Variants in DEFB134 observed in about 807,000 individuals in gnomAD.
DEFB134 encodes beta-defensin 134.
DEFB134 carries 7 observed loss-of-function variants against 7.4 expected under a neutral mutation model. That is an observed-to-expected ratio of 0.95 (90% CI 0.54 to 1.79). The LOEUF is 1.79. Ranked by LOEUF, DEFB134 falls within the 40% of genes most tolerant of loss-of-function variation. DEFB134 has a pLI of 0.00. For missense variants in DEFB134, 105 were observed against 74.8 expected (o/e 1.40, Z -1.49); for synonymous variants, 33 against 25.0 (o/e 1.32, Z -0.96).
chr8:11,996,107 C>T (rs1230758919), intron 1 of DEFB134, 87 bp downstream of exon 2: 1 of 1,490,432 alleles, frequency 6.7e-7, no homozygotes, highest in Non-Finnish European at 9.3e-7. Flanking sequence ...TTAAAGGGCC[C>T]ATGGGTGGTG....
Position 11,995,326 on chromosome 8 carries a change from A to G in DEFB134, c.58+868T>C, listed in dbSNP as rs139915972. 8.5e-5 allele frequency among the ~76,000 whole-genome samples: 13 copies of G among 152,328 alleles called. No homozygotes were observed. In the East Asian group the frequency reaches 2.3e-3, roughly 27 times the overall value. ...AGGCCTTGATCCCATGAATTCTTAA[A>G]TTTAGCCTGGTGAGTCACATAATCT... On this transcript the variant is annotated intron_variant, in intron 1 of 1. Transcript: ENST00000526438.
upstream of DEFB134, among the ~76,000 whole-genome samples, chr8:11,998,846 A>G (rs1800194211): frequency 2.0e-5 from 3 of 152,174 alleles, no homozygotes. Flanking sequence ...GAAACGAGAA[A>G]GAGGATATTA....
chr8:11,999,975 T>A (rs575927977), upstream of DEFB134, among the ~76,000 whole-genome samples: 3 of 152,318 alleles, frequency 2.0e-5, no homozygotes, highest in South Asian at 6.2e-4. Flanking sequence ...GGTTTGGTAT[T>A]TCTTTAGGGT....
At chr8:11,994,214 A>C in intron 1 of DEFB134, 92 bp from the exon 3 acceptor site, 7 of 1,430,104 alleles carry the variant, frequency 4.9e-6, no homozygotes, top group Non-Finnish European at 5.6e-6. Flanking sequence ...ACCGGATACC[A>C]AGGAGATTTG....
chr8:11,996,784 C>T (rs1800136063), upstream of DEFB134, among the ~76,000 whole-genome samples: 1 of 152,074 alleles, frequency 6.6e-6, no homozygotes, highest in Non-Finnish European at 1.5e-5. Context: ...AGGTATCCTG[C>T]TTTTGTAACT....
At chr8:11,998,477 G>A (rs145632934), upstream of DEFB134, among the ~76,000 whole-genome samples, 753 of 151,908 alleles carry the variant, frequency 5.0e-3, 14 homozygotes, top group South Asian at 4.2e-3. Flanking sequence ...AAATAAAAAA[G>A]AGACGTTCAT....
chr8:11,993,990 G>A, exon 2 of DEFB134: 3 of 1,613,222 alleles, frequency 1.9e-6, no homozygotes, highest in Admixed American at 1.7e-5. Context: ...TCAGGGTGCA[G>A]GATTTCCTTT....
At chr8:11,996,253 G>T in exon 1 of DEFB134, 4 of 1,613,634 alleles carry the variant, frequency 2.5e-6, no homozygotes, top group Non-Finnish European at 3.4e-6. Context: ...AGGCTTCATG[G>T]CTGGGAACTT....
At chr8:11,997,084 C>T (rs1175721960), upstream of DEFB134, among the ~76,000 whole-genome samples, 1 of 152,162 alleles carries the variant, frequency 6.6e-6, no homozygotes, top group Non-Finnish European at 1.5e-5. Flanking sequence ...GATTCTCTTT[C>T]ACCTCTCAGT....
exon 2 of DEFB134, chr8:11,993,830 A>G (rs747933979): frequency 9.7e-7 from 1 of 1,033,162 alleles, no homozygotes; most frequent in Non-Finnish European, 1.3e-6. Flanking sequence ...TAAATTTAAG[A>G]CCACAAGAGT....
chr8:11,993,532 G>A (rs1800032714), exon 2 of DEFB134: 1 of 153,902 alleles, frequency 6.5e-6, no homozygotes, highest in African/African-American at 2.4e-5. Flanking sequence ...TGCGGTTTAT[G>A]TGAGAGATGT....
chr8:11,998,195 C>A (rs186001375), upstream of DEFB134, among the ~76,000 whole-genome samples: 3 of 151,890 alleles, frequency 2.0e-5, no homozygotes, highest in Non-Finnish European at 1.5e-5. Flanking sequence ...ACACCTGTAA[C>A]GCTAGCACTT....
At chr8:11,999,368 T>C (rs60411064), upstream of DEFB134, 980 of 214,132 alleles carry the variant, frequency 4.6e-3, 10 homozygotes, top group African/African-American at 0.022. Flanking sequence ...GCATTGCCCA[T>C]GCAAAGAAAG....
At chr8:11,993,865 A>T in exon 2 of DEFB134, 1 of 1,384,408 alleles carries the variant, frequency 7.2e-7, no homozygotes, top group African/African-American at 1.5e-5. Context: ...AAATGCTAAA[A>T]ACCAGTAGTC....
upstream of DEFB134, among the ~76,000 whole-genome samples, chr8:11,999,648 C>G (rs776028354): frequency 7.2e-5 from 11 of 152,272 alleles, no homozygotes; most frequent in Non-Finnish European, 1.0e-4. Context: ...AGGACAGCCT[C>G]TGAGTTTTGC....
chr8:11,996,091 TG>T, intron 1 of DEFB134, 102 bp downstream of exon 2: 1 of 1,390,062 alleles, frequency 7.2e-7, no homozygotes, highest in Non-Finnish European at 1.0e-6. Flanking sequence ...TTTTCTAGCT[TG>T]AAAATTAAAG....
chr8:11,997,190 T>C (rs1800148454), upstream of DEFB134, among the ~76,000 whole-genome samples: 1 of 152,210 alleles, frequency 6.6e-6, no homozygotes, highest in Admixed American at 6.5e-5. Flanking sequence ...CTCTTTCTTG[T>C]TGGGTTTCTT....
intron 1 of DEFB134, 45 bp from the exon 3 acceptor site, chr8:11,994,167 T>C (rs867270875): frequency 6.4e-7 from 1 of 1,565,604 alleles, no homozygotes; most frequent in African/African-American, 1.4e-5. Context: ...CAGGCCTTTT[T>C]GGACCATAAA....
chr8:11,999,071 G>A (rs1800201162), upstream of DEFB134: 1 of 154,716 alleles, frequency 6.5e-6, no homozygotes, highest in African/African-American at 2.4e-5. Flanking sequence ...AAAGCCCAAG[G>A]CAGGAACCTA....
Sources: allele counts gnomAD v4.1 joint callset (sites outside exome capture counted in the v4.1 genomes callset), GRCh38; gene constraint gnomAD v4.1.1; transcripts MANE v1.5; gene names NCBI Gene and HGNC (gene_info 2026-07-23, HGNC 2026-07-21).